The following MEGF9 variants were observed in gnomAD, a reference collection of about 807,000 sequenced individuals.
The protein encoded by MEGF9 is multiple epidermal growth factor-like domains protein 9.
In MEGF9, 6 loss-of-function variants were observed where a neutral mutation model predicts 46.8. The observed-to-expected ratio is 0.13, with a 90% CI of 0.07 to 0.25. MEGF9 has a LOEUF of 0.25. Among genes scored for constraint, MEGF9 ranks in the 10% least tolerant of loss-of-function variants. The pLI, the probability that MEGF9 is intolerant of heterozygous loss-of-function variation, is 1.00. For missense variants in MEGF9, 683 were observed against 792.4 expected (o/e 0.86, Z 1.66); for synonymous variants, 302 against 330.7 (o/e 0.91, Z 0.94).
chr9:120,657,425 T>C (rs949633580), intron 2 of MEGF9, among the ~76,000 whole-genome samples: 2 of 152,252 alleles, frequency 1.3e-5, no homozygotes, highest in Non-Finnish European at 2.9e-5. Context: ...AGTATTACTG[T>C]TTTTTCCTCT....
chr9:120,673,298 CAGA>C (rs2043758309), intron 1 of MEGF9, among the ~76,000 whole-genome samples: 1 of 152,074 alleles, frequency 6.6e-6, no homozygotes, highest in Non-Finnish European at 1.5e-5. Flanking sequence ...ATCAAAATCC[CAGA>C]AGGATTTTTT....
chr9:120,693,633 T>C (rs955489147), intron 1 of MEGF9, among the ~76,000 whole-genome samples: 2 of 152,238 alleles, frequency 1.3e-5, no homozygotes, highest in Admixed American at 1.3e-4. Context: ...GGAATCCATT[T>C]GGAATTTTTC....
intron 2 of MEGF9, among the ~76,000 whole-genome samples, chr9:120,632,948 T>C (rs536203877): frequency 2.6e-5 from 4 of 152,352 alleles, no homozygotes; most frequent in African/African-American, 9.6e-5. Context: ...TCCCACTTGA[T>C]CATGGTGTAT....
chr9:120,631,546 G>A (rs1221199294), intron 2 of MEGF9, among the ~76,000 whole-genome samples: 1 of 151,086 alleles, frequency 6.6e-6, no homozygotes, highest in Non-Finnish European at 1.5e-5. Context: ...GTGCAGTGGT[G>A]CAATCTCAAC....
chr9:120,706,356 G>A (rs953497940), intron 1 of MEGF9, among the ~76,000 whole-genome samples: 7 of 152,058 alleles, frequency 4.6e-5, no homozygotes, highest in African/African-American at 1.4e-4. Flanking sequence ...AAACTAATCA[G>A]ACTAAGGAAT....
intron 5 of MEGF9, among the ~76,000 whole-genome samples, chr9:120,606,901 C>T (rs1259304245): frequency 6.6e-6 from 1 of 152,128 alleles, no homozygotes; most frequent in Non-Finnish European, 1.5e-5. Context: ...TAAGAAAAAT[C>T]ATCAGTTCTG....
intron 1 of MEGF9, among the ~76,000 whole-genome samples, chr9:120,698,805 A>G (rs115735156): frequency 4.5e-4 from 69 of 152,322 alleles, no homozygotes; most frequent in African/African-American, 1.4e-3. Context: ...CTTGGATTTC[A>G]AAGTTCAAAA....
At chr9:120,658,488 T>C (rs765198302) in intron 2 of MEGF9, among the ~76,000 whole-genome samples, 6 of 152,224 alleles carry the variant, frequency 3.9e-5, no homozygotes, top group Non-Finnish European at 7.3e-5. Context: ...TTGAGTGACA[T>C]GTGCTAGGCA....
intron 1 of MEGF9, among the ~76,000 whole-genome samples, chr9:120,666,522 C>A (rs370947704): frequency 2.1e-4 from 32 of 152,276 alleles, no homozygotes; most frequent in Admixed American, 5.9e-4. Context: ...GGCAAGCATG[C>A]AGGACTTTCA....
chr9:120,646,316 A>C (rs1261306764), intron 2 of MEGF9, among the ~76,000 whole-genome samples: 1 of 151,980 alleles, frequency 6.6e-6, no homozygotes, highest in African/African-American at 2.4e-5. Context: ...CTCCTGCTTA[A>C]AAATTGCTTT....
In MEGF9 at chr9:120,714,030, C is replaced by T. The variant is rs1388493729; in HGVS notation, c.329G>A (p.Gly110Glu). ...CGCCTGAAAGGTGGTGGAAGAGGGT[C>T]CAGCAGTCGCCCAAAGAGGGGTGGT... Reference protein sequence around the residue: ...PETTPLWATAGPSSTTFQAPL... With the variant: ...PETTPLWATAEPSSTTFQAPL... The change falls in exon 1 of 6, where the codon GGA becomes GAA. Residue 110 changes from glycine (G) to glutamate (E), a missense_variant. Physicochemically the swap from Gly to Glu is moderately conservative, Grantham distance 98. This residue lies in a region of MEGF9 where 370 missense variants were observed against 371.3 expected (regional missense o/e 1.00). Transcript: ENST00000373930. 2.2e-6 allele frequency: 3 copies of T among 1,337,736 alleles called. No homozygotes were observed. Among genetic ancestry groups the T allele is most frequent in the Non-Finnish European group, 9.6e-7 (1 of 1,040,954 alleles). 82.9% of individuals were successfully genotyped at this position (1,337,736 alleles called of 1,614,324 possible).
chr9:120,665,479 AG>A (rs1473335227), intron 1 of MEGF9, among the ~76,000 whole-genome samples: 2 of 152,200 alleles, frequency 1.3e-5, no homozygotes, highest in African/African-American at 4.8e-5. Context: ...CTGGGATTAC[AG>A]GGGTGAGCCA....
rs1197793426 is a variant in MEGF9, at chr9:120,714,450, G to A, written c.-92C>T. On this transcript the variant is annotated 5_prime_UTR_variant, in exon 1 of 6. Coordinates refer to ENST00000373930, the MANE Select transcript of MEGF9 (RefSeq NM_001080497.3). The stretch of plus-strand genomic sequence containing the variant: ...ACCGCCGCCGCCACCGCCACCGGGC[G>A]CACCATCGCCACCTCCCTCTGACAG... The A allele has an allele frequency of 2.7e-6, 3 of 1,101,362 alleles. No individual in the cohort carries two copies. The highest frequency in any genetic ancestry group is 1.6e-5 in the African/African-American group (1 of 60,786). 68.2% of individuals were successfully genotyped at this position (1,101,362 alleles called of 1,614,324 possible). A position where few individuals can be genotyped will look rare whatever the true frequency, so the allele number is the denominator to read the frequency against.
chr9:120,667,405 T>C (rs968416530), intron 1 of MEGF9, among the ~76,000 whole-genome samples: 1 of 152,176 alleles, frequency 6.6e-6, no homozygotes, highest in Non-Finnish European at 1.5e-5. Flanking sequence ...CCATGTACAA[T>C]GAGGGAGAAG....
chr9:120,642,966 C>T (rs936806528), intron 2 of MEGF9, among the ~76,000 whole-genome samples: 2 of 151,862 alleles, frequency 1.3e-5, no homozygotes, highest in Admixed American at 6.6e-5. Flanking sequence ...TATATCACAC[C>T]AGAATATTCA....
rs538174679 is a variant in MEGF9 at position 120,679,022 on chromosome 9, T to C, written c.602-19447A>G. Among the ~76,000 whole-genome samples the C allele has an allele frequency of 9.8e-5, 15 of 152,352 alleles. No individual in the cohort carries two copies. In the East Asian group the frequency reaches 2.1e-3, roughly 22 times the overall value. ...AGAAATAGGAACACTTTTACACTGTTGGTGGGACTGTAAACTAGTTCAACG... is the reference window on the plus strand; with the variant it reads ...AGAAATAGGAACACTTTTACACTGTCGGTGGGACTGTAAACTAGTTCAACG... On this transcript the variant is annotated intron_variant, in intron 1 of 5. Coordinates refer to ENST00000373930, the MANE Select transcript of MEGF9 (RefSeq NM_001080497.3).
At chr9:120,648,168 C>T (rs760455281) in intron 2 of MEGF9, among the ~76,000 whole-genome samples, 1 of 152,072 alleles carries the variant, frequency 6.6e-6, no homozygotes, top group African/African-American at 2.4e-5. Flanking sequence ...TTCCAAAAAA[C>T]AAGTCTGATG....
At position 120,636,223 on chromosome 9, in the gene MEGF9, C is replaced by A. The variant is rs2043573551; in HGVS notation, c.804-13468G>T. Among the ~76,000 whole-genome samples the A allele has an allele frequency of 4.6e-5, 7 of 152,306 alleles. No individual in the cohort carries two copies. The South Asian group carries it at 1.4e-3, about 32-fold the overall frequency. On this transcript the variant is annotated intron_variant, in intron 2 of 5. Coordinates refer to ENST00000373930, the MANE Select transcript of MEGF9 (RefSeq NM_001080497.3). ...AAAGTGCTGGGATTACAGGCTTGAG[C>A]CACCGCGTCCAGCCTACCTCTTCCT...
At chr9:120,652,189 A>AAAAAAAC (rs1325551849) in intron 2 of MEGF9, among the ~76,000 whole-genome samples, 1 of 141,068 alleles carries the variant, frequency 7.1e-6, no homozygotes, top group East Asian at 2.1e-4. Context: ...CACAAAAAAA[A>AAAAAAAC]AAAAAAAAAA....
Sources: gnomAD v4.1 joint callset for allele counts (sites outside exome capture counted in the v4.1 genomes callset) on GRCh38, gnomAD v4.1.1 for gene constraint, gnomAD v4.1.1 regional missense constraint, MANE v1.5 for transcripts, NCBI Gene and HGNC (gene_info 2026-07-23, HGNC 2026-07-21) for gene names.